The following TOM1L1 variants were observed in gnomAD, a reference collection of about 807,000 sequenced individuals.
The protein encoded by TOM1L1 is TOM1-like protein 1.
A neutral mutation model predicts 63.4 loss-of-function variants in TOM1L1; 64 were observed. The observed-to-expected ratio is 1.01, with a 90% CI of 0.83 to 1.24. The LOEUF is 1.24. Among genes scored for constraint, TOM1L1 ranks in the 50% most tolerant of loss-of-function variants. The pLI is 0.00. For synonymous variants in TOM1L1, 166 were observed against 194.4 expected, an observed-to-expected ratio of 0.85 and a Z score of 1.22; for missense variants, 536 against 567.0, an observed-to-expected ratio of 0.95 and a Z score of 0.55.
chr17:54,942,053 G>A (rs1470825272), intron 11 of TOM1L1, among the ~76,000 whole-genome samples: 1 of 152,002 alleles, frequency 6.6e-6, no homozygotes, highest in Non-Finnish European at 1.5e-5. Flanking sequence ...TTTCATAACA[G>A]AAAGAATCCT....
At chr17:54,920,242 G>C (rs574634533) in intron 7 of TOM1L1, among the ~76,000 whole-genome samples, 1 of 152,208 alleles carries the variant, frequency 6.6e-6, no homozygotes, top group South Asian at 2.1e-4. Flanking sequence ...TTGGGGGTCA[G>C]TGAGGGCCCA....
chr17:54,917,333 A>C (rs1567824865), intron 7 of TOM1L1: 1 of 151,966 alleles, frequency 6.6e-6, no homozygotes, highest in Non-Finnish European at 1.5e-5. Flanking sequence ...TATACTTTTC[A>C]TTTCTTCATT....
At chr17:54,950,560 CT>C in intron 14 of TOM1L1, among the ~76,000 whole-genome samples, 1 of 152,258 alleles carries the variant, frequency 6.6e-6, no homozygotes, top group South Asian at 2.1e-4. Context: ...AGTACAATTA[CT>C]TTTTACTTAA....
chr17:54,951,430 G>A (rs1367944790), intron 14 of TOM1L1, among the ~76,000 whole-genome samples: 1 of 152,156 alleles, frequency 6.6e-6, no homozygotes, highest in Non-Finnish European at 1.5e-5. Flanking sequence ...GTATAGGGCA[G>A]GACCCTCTCT....
intron 3 of TOM1L1, among the ~76,000 whole-genome samples, chr17:54,911,503 T>C (rs977508127): frequency 2.6e-5 from 4 of 152,182 alleles, no homozygotes; most frequent in African/African-American, 9.7e-5. Context: ...CCCATCATTT[T>C]TACACCTAGA....
At chr17:54,931,420 C>T (rs548573777) in intron 8 of TOM1L1, among the ~76,000 whole-genome samples, 13 of 152,202 alleles carry the variant, frequency 8.5e-5, no homozygotes, top group East Asian at 1.9e-4. Context: ...TCCTCTGCAC[C>T]GGTGTCCCAT....
intron 7 of TOM1L1, among the ~76,000 whole-genome samples, chr17:54,928,307 C>G (rs2048801132): frequency 6.6e-6 from 1 of 150,970 alleles, no homozygotes; most frequent in Non-Finnish European, 1.5e-5. Context: ...GCACCATTGC[C>G]AATTCTTACA....
chr17:54,905,496 G>T lies in TOM1L1; in HGVS notation c.151G>T (p.Asp51Tyr). 1 of 1,610,586 alleles carries T rather than the reference G, an allele frequency of 6.2e-7. No individual in the cohort carries two copies. Among genetic ancestry groups the T allele is most frequent in the Non-Finnish European group, 8.5e-7 (1 of 1,178,222 alleles). The stretch of plus-strand genomic sequence containing the variant: ...GTGTATTTATTGCTATAGGCCAAAA[G>T]ATGCAGTGAAAGCTTTGAAGAAAAG... ...IINTTQDGPK[D>Y]AVKALKKRIS... The change falls in exon 3 of 16, where the codon GAT (aspartate) becomes TAT (tyrosine). Residue 51 changes from aspartate to tyrosine, a missense_variant. Physicochemically the swap from Asp to Tyr is radical, Grantham distance 160. Coordinates refer to ENST00000575882, the MANE Select transcript of TOM1L1 (RefSeq NM_005486.3).
intron 14 of TOM1L1, among the ~76,000 whole-genome samples, chr17:54,960,364 C>CA (rs992887896): frequency 4.9e-4 from 73 of 147,866 alleles, no homozygotes; most frequent in African/African-American, 1.4e-3. Flanking sequence ...GACTCTGTCT[C>CA]AAAAAAAAAG....
rs116032302 is a variant in TOM1L1 at position 54,930,427 on chromosome 17, C to T, written c.854+221C>T. ...TCCTAGTTAAAGTGACATTTCAGCC[C>T]AGCATGGTGGCTCCCAGCTATAATC... On this transcript the variant is annotated intron_variant, in intron 8 of 15. Coordinates refer to ENST00000575882, the MANE Select transcript of TOM1L1 (RefSeq NM_005486.3). 1,163 of 487,886 alleles carry T rather than the reference C, an allele frequency of 2.4e-3. 12 individuals carry two copies. The highest frequency in any genetic ancestry group is 0.021 in the African/African-American group (1,061 of 50,936). 30.2% of individuals were successfully genotyped at this position (487,886 alleles called of 1,614,324 possible). A position where few individuals can be genotyped will look rare whatever the true frequency, so the allele number is the denominator to read the frequency against.
intron 7 of TOM1L1, among the ~76,000 whole-genome samples, chr17:54,926,700 G>C (rs1255415647): frequency 1.3e-5 from 2 of 151,666 alleles, no homozygotes; most frequent in African/African-American, 4.8e-5. Context: ...GACCATTCTT[G>C]TCTTTACCAT....
intron 1 of TOM1L1, among the ~76,000 whole-genome samples, chr17:54,903,093 A>G (rs2048353947): frequency 6.6e-6 from 1 of 152,236 alleles, no homozygotes; most frequent in Non-Finnish European, 1.5e-5. Flanking sequence ...ATGATAGGAC[A>G]ATAAACGTAT....
rs1695088006 is a variant in TOM1L1 at position 54,961,776 on chromosome 17, G to T, written c.*543G>T. The T allele has an allele frequency of 9.9e-7, 1 of 1,013,324 alleles. No individual in the cohort carries two copies. The highest frequency in any genetic ancestry group is 1.2e-6 in the Non-Finnish European group (1 of 847,954). The allele number at this position is 1,013,324 out of a possible 1,614,324, so 62.8% of individuals were successfully genotyped here. A position where few individuals can be genotyped will look rare whatever the true frequency, so the allele number is the denominator to read the frequency against. Reference sequence around the variant, plus strand: ...ATAATTGTCATTTAATTATATTTCAGGTGTCCTGAACAGGTCACTAGACTC... The same window carrying T: ...ATAATTGTCATTTAATTATATTTCATGTGTCCTGAACAGGTCACTAGACTC... On this transcript the variant is annotated 3_prime_UTR_variant, in exon 16 of 16. Transcript: ENST00000575882.
At chr17:54,925,917 A>C (rs1247517488) in intron 7 of TOM1L1, among the ~76,000 whole-genome samples, 1 of 151,356 alleles carries the variant, frequency 6.6e-6, no homozygotes, top group Non-Finnish European at 1.5e-5. Flanking sequence ...AAAAAACAAC[A>C]ACAAAAAAAA....
At chr17:54,952,054 A>G (rs1567843150) in intron 14 of TOM1L1, 1 of 152,184 alleles carries the variant, frequency 6.6e-6, no homozygotes, top group Non-Finnish European at 1.5e-5. Flanking sequence ...AAAACTAAAT[A>G]TGTTTTAGGG....
rs766598248 is a variant in TOM1L1 at position 54,914,624 on chromosome 17, G to T, written c.499-15G>T. ...TTAATTCACATAATAATATTACCAT[G>T]TTTCATACTCATAGACTGCTCAAAT... On this transcript the variant is annotated splice_polypyrimidine_tract_variant and intron_variant, in intron 5 of 15. Coordinates refer to ENST00000575882, the MANE Select transcript of TOM1L1 (RefSeq NM_005486.3). 15 of 1,598,262 alleles carry T rather than the reference G, an allele frequency of 9.4e-6. No individual in the cohort carries two copies. The highest frequency in any genetic ancestry group is 1.7e-5 in the Admixed American group (1 of 59,884).
At chr17:54,955,284 TGAA>T (rs756317618) in intron 14 of TOM1L1, 2 of 152,220 alleles carry the variant, frequency 1.3e-5, no homozygotes. Flanking sequence ...ATGGAGACAA[TGAA>T]GTAGTTCTGG....
intron 7 of TOM1L1, among the ~76,000 whole-genome samples, chr17:54,927,387 T>C (rs993260060): frequency 8.5e-5 from 13 of 152,238 alleles, no homozygotes; most frequent in African/African-American, 3.1e-4. Context: ...CCTCTCTTGG[T>C]CAATGTGGGA....
chr17:54,957,003 G>C (rs1350707950), intron 14 of TOM1L1: 1 of 152,172 alleles, frequency 6.6e-6, no homozygotes, highest in East Asian at 1.9e-4. Context: ...AAGTACACTG[G>C]GATCCATCTG....
Sources: allele counts gnomAD v4.1 joint callset (sites outside exome capture counted in the v4.1 genomes callset), GRCh38; gene constraint gnomAD v4.1.1; transcripts MANE v1.5; gene names NCBI Gene and HGNC (gene_info 2026-07-23, HGNC 2026-07-21).